INSL6: variants seen among roughly 807,000 people sequenced by gnomAD.
INSL6 encodes the protein insulin like 6.
In INSL6, 16 loss-of-function variants were observed where a neutral mutation model predicts 9.4. The ratio of observed to expected loss-of-function variants is 1.70; its 90% CI spans 1.15 to 2.59. INSL6 has a LOEUF of 2.59. INSL6 is among the 30% of genes most tolerant of loss of function. The pLI, the probability that INSL6 is intolerant of heterozygous loss-of-function variation, is 0.00. For synonymous variants in INSL6, 154 were observed against 96.9 expected (o/e 1.59, Z -3.46); for missense variants, 391 against 257.3 (o/e 1.52, Z -3.56).
the INSL6 span, chr9:5,050,902 G>T: frequency 3.0e-6 from 4 of 1,339,494 alleles, no homozygotes; most frequent in Non-Finnish European, 4.2e-6. Flanking sequence ...TATATTTTCT[G>T]TGTTTACCCA....
At chr9:4,992,015 A>G in the INSL6 span, among the ~76,000 whole-genome samples, 1 of 152,284 alleles carries the variant, frequency 6.6e-6, no homozygotes, top group Non-Finnish European at 1.5e-5. Flanking sequence ...GCTCACAGAT[A>G]CCATGGGTCA....
At chr9:5,126,506 A>G (rs758475999) in intron 3 of INSL6, 8 of 1,134,656 alleles carry the variant, frequency 7.1e-6, no homozygotes, top group Non-Finnish European at 1.0e-5. Context: ...TTACTCAAGG[A>G]CTTCAGTTCA....
chr9:5,087,094 T>C, the INSL6 span, among the ~76,000 whole-genome samples: 1 of 152,212 alleles, frequency 6.6e-6, no homozygotes, highest in Non-Finnish European at 1.5e-5. Flanking sequence ...CAACATTGGT[T>C]AGGCACTTAT....
At chr9:5,151,413 CAATT>C (rs914446955) in intron 2 of INSL6, among the ~76,000 whole-genome samples, 3 of 151,112 alleles carry the variant, frequency 2.0e-5, no homozygotes, top group Admixed American at 6.6e-5. Flanking sequence ...AATAAAAAGA[CAATT>C]GATTAAAACA....
the INSL6 span, among the ~76,000 whole-genome samples, chr9:5,045,488 G>C: frequency 1.3e-5 from 2 of 152,130 alleles, no homozygotes; most frequent in African/African-American, 2.4e-5. Flanking sequence ...ATACATTGCT[G>C]TACAACCATC....
At chr9:5,047,835 A>G in the INSL6 span, among the ~76,000 whole-genome samples, 1 of 152,054 alleles carries the variant, frequency 6.6e-6, no homozygotes, top group Non-Finnish European at 1.5e-5. Context: ...ACCTGGCTTC[A>G]AATGATCCTC....
intron 1 of INSL6, among the ~76,000 whole-genome samples, chr9:5,178,801 G>A (rs992445334): frequency 6.6e-6 from 1 of 152,140 alleles, no homozygotes; most frequent in African/African-American, 2.4e-5. Context: ...GGAAGAATTG[G>A]CTAGCTGTAG....
the INSL6 span, chr9:5,111,039 G>C: frequency 1.1e-6 from 1 of 913,388 alleles, no homozygotes. Context: ...TGGCCGGGGC[G>C]CAATTCAGAG....
intron 2 of INSL6, among the ~76,000 whole-genome samples, chr9:5,141,464 CT>C (rs1165294325): frequency 6.6e-6 from 1 of 152,158 alleles, no homozygotes; most frequent in East Asian, 1.9e-4. Context: ...TGATGTTGAG[CT>C]TTTTTTCATA....
chr9:5,058,093 G>C, the INSL6 span, among the ~76,000 whole-genome samples: 3 of 152,090 alleles, frequency 2.0e-5, no homozygotes, highest in East Asian at 5.8e-4. Context: ...ATCCATCAAT[G>C]AATATTCAGG....
the INSL6 span, chr9:5,089,793 G>A: frequency 2.5e-6 from 4 of 1,598,150 alleles, no homozygotes; most frequent in Admixed American, 1.7e-5. Flanking sequence ...ACTTTGAAAG[G>A]GAAATTGAAA....
At chr9:5,121,134 A>G (rs752524240), downstream of INSL6, among the ~76,000 whole-genome samples, 28 of 152,126 alleles carry the variant, frequency 1.8e-4, no homozygotes, top group Non-Finnish European at 3.1e-4. Flanking sequence ...GGGAAAGTAT[A>G]ATTGAAAACA....
At chr9:5,086,222 G>A in the INSL6 span, 6 of 604,648 alleles carry the variant, frequency 9.9e-6, no homozygotes, top group Non-Finnish European at 1.3e-5. Context: ...CGAGGCCACG[G>A]TCGGAGTCTG....
At chr9:5,043,544 C>G in the INSL6 span, among the ~76,000 whole-genome samples, 1 of 152,076 alleles carries the variant, frequency 6.6e-6, no homozygotes, top group South Asian at 2.1e-4. Context: ...TTTGGCCATT[C>G]CTTAAAAGGG....
chr9:5,086,588 A>G, the INSL6 span, among the ~76,000 whole-genome samples: 1 of 152,098 alleles, frequency 6.6e-6, no homozygotes, highest in East Asian at 1.9e-4. Flanking sequence ...TGCCCTTCCA[A>G]TACTTAAAAA....
chr9:5,131,270 A>T (rs1205150428), intron 3 of INSL6, among the ~76,000 whole-genome samples: 1 of 152,130 alleles, frequency 6.6e-6, no homozygotes, highest in African/African-American at 2.4e-5. Flanking sequence ...TTTATTGGCT[A>T]TCCTAAATTT....
chr9:5,076,500 A>G, the INSL6 span, among the ~76,000 whole-genome samples: 1 of 152,154 alleles, frequency 6.6e-6, no homozygotes, highest in African/African-American at 2.4e-5. Context: ...TTTTGGCAAT[A>G]AAGTATTTTT....
At chr9:5,179,722 T>C (rs1465435184) in intron 1 of INSL6, among the ~76,000 whole-genome samples, 1 of 152,208 alleles carries the variant, frequency 6.6e-6, no homozygotes, top group African/African-American at 2.4e-5. Context: ...GAAACCATCA[T>C]TCTCAGCAAA....
chr9:4,994,387 G>A, the INSL6 span, among the ~76,000 whole-genome samples: 2 of 151,930 alleles, frequency 1.3e-5, no homozygotes, highest in African/African-American at 4.8e-5. Context: ...ACAAATTGCC[G>A]CTGGGCCCCA....
Sources: gnomAD v4.1 joint callset for allele counts (sites outside exome capture counted in the v4.1 genomes callset) on GRCh38, gnomAD v4.1.1 for gene constraint, MANE v1.5 for transcripts, NCBI Gene and HGNC (gene_info 2026-07-23, HGNC 2026-07-21) for gene names.